ARHGAP22: variants seen among roughly 807,000 people sequenced by gnomAD.
ARHGAP22 encodes the protein Rho GTPase activating protein 22, also known as rho GTPase-activating protein 22.
ARHGAP22 carries 48 observed loss-of-function variants against 59.1 expected under a neutral mutation model. That is an observed-to-expected ratio of 0.81 (90% confidence interval 0.64 to 1.03). The LOEUF (loss-of-function observed/expected upper bound fraction) is 1.03. Among genes scored for constraint, ARHGAP22 ranks in the 50% least tolerant of loss-of-function variants. The pLI is 0.00. For synonymous variants in ARHGAP22, 445 were observed against 416.4 expected (o/e 1.07, Z -0.84); for missense variants, 1,015 against 958.7 (o/e 1.06, Z -0.78).
intron 3 of ARHGAP22, among the ~76,000 whole-genome samples, chr10:48,553,968 C>T (rs866642711): frequency 5.3e-5 from 8 of 152,212 alleles, no homozygotes; most frequent in East Asian, 1.9e-4. Flanking sequence ...GCCCTGCCTA[C>T]GTCACTACTT....
intron 2 of ARHGAP22, chr10:48,574,666 G>A (rs1028617346): frequency 7.2e-5 from 11 of 152,236 alleles, no homozygotes; most frequent in Non-Finnish European, 1.5e-4. Context: ...GTGCTGAGAT[G>A]AGGGCCATGG....
chr10:48,628,070 G>T (rs909462368), intron 1 of ARHGAP22, among the ~76,000 whole-genome samples: 1 of 152,224 alleles, frequency 6.6e-6, no homozygotes, highest in Non-Finnish European at 1.5e-5. Flanking sequence ...CAGACATCTG[G>T]CCTCCTTCTC....
In ARHGAP22 at chr10:48,530,022, A is replaced by C. The variant is rs1277885253; in HGVS notation, c.322+25441T>G. On this transcript the variant is annotated intron_variant, in intron 3 of 9. Coordinates refer to ENST00000249601, the MANE Select transcript of ARHGAP22 (RefSeq NM_021226.4). ...GAGGCCAACGTGGGCAGATCATCTGAGGTCAAGAGTTCGAGACCAGCTTTG... is the reference window on the plus strand; with the variant it reads ...GAGGCCAACGTGGGCAGATCATCTGCGGTCAAGAGTTCGAGACCAGCTTTG... 5.9e-5 allele frequency among the ~76,000 whole-genome samples: 9 copies of C among 152,280 alleles called. No homozygotes were observed. In the East Asian group the frequency reaches 1.7e-3, roughly 29 times the overall value.
chr10:48,435,663 G>A, the ARHGAP22 span: 18 of 152,290 alleles, frequency 1.2e-4, no homozygotes, highest in African/African-American at 3.6e-4. Flanking sequence ...CAAAAGCCCC[G>A]TCATCTAAAT....
At chr10:48,545,562 T>C (rs1444671087) in intron 3 of ARHGAP22, among the ~76,000 whole-genome samples, 1 of 152,200 alleles carries the variant, frequency 6.6e-6, no homozygotes, top group Non-Finnish European at 1.5e-5. Context: ...GGCTGGCTGG[T>C]ACCAGGTGCC....
chr10:48,638,083 G>T (rs2061896100), intron 1 of ARHGAP22, among the ~76,000 whole-genome samples: 1 of 152,086 alleles, frequency 6.6e-6, no homozygotes, highest in African/African-American at 2.4e-5. Flanking sequence ...CCCTCCTAGA[G>T]CCATTCCCTT....
At chr10:48,562,615 CA>C (rs1164851131) in intron 2 of ARHGAP22, among the ~76,000 whole-genome samples, 3 of 152,016 alleles carry the variant, frequency 2.0e-5, no homozygotes, top group Non-Finnish European at 4.4e-5. Context: ...AGCCTGGGGT[CA>C]GGGGTCAGGA....
chr10:48,635,429 C>T (rs920581235), intron 1 of ARHGAP22, among the ~76,000 whole-genome samples: 4 of 152,222 alleles, frequency 2.6e-5, no homozygotes, highest in South Asian at 2.1e-4. Context: ...GTGAAACGTC[C>T]CCTCTTAGGT....
chr10:48,571,216 G>A (rs910734073), intron 2 of ARHGAP22, among the ~76,000 whole-genome samples: 2 of 152,118 alleles, frequency 1.3e-5, no homozygotes, highest in Non-Finnish European at 2.9e-5. Flanking sequence ...ACTGGAGCCC[G>A]CTACCACCCA....
intron 3 of ARHGAP22, among the ~76,000 whole-genome samples, chr10:48,497,316 G>T (rs753687376): frequency 1.1e-4 from 17 of 152,322 alleles, no homozygotes; most frequent in Non-Finnish European, 1.8e-4. Flanking sequence ...CTTGGCATGG[G>T]TGAAGAGTAG....
At chr10:48,441,492 C>T (rs2045202103), downstream of ARHGAP22, among the ~76,000 whole-genome samples, 1 of 149,188 alleles carries the variant, frequency 6.7e-6, no homozygotes, top group East Asian at 2.0e-4. Context: ...CGCTCTGTCA[C>T]CCAGGCTGGA....
chr10:48,505,445 C>T (rs890992532), intron 3 of ARHGAP22, among the ~76,000 whole-genome samples: 1 of 152,210 alleles, frequency 6.6e-6, no homozygotes, highest in Non-Finnish European at 1.5e-5. Flanking sequence ...GAGACCACGT[C>T]CAGCAGCTCC....
chr10:48,511,942 C>T (rs1033781633), intron 3 of ARHGAP22, among the ~76,000 whole-genome samples: 1 of 152,208 alleles, frequency 6.6e-6, no homozygotes, highest in Non-Finnish European at 1.5e-5. Flanking sequence ...CCCCAATTAG[C>T]CCCCAGTCTC....
At chr10:48,457,330 C>T (rs1367661921) in intron 5 of ARHGAP22, among the ~76,000 whole-genome samples, 1 of 152,178 alleles carries the variant, frequency 6.6e-6, no homozygotes, top group African/African-American at 2.4e-5. Flanking sequence ...ACCTGGGTGT[C>T]CGCAGGGCTC....
At chr10:48,525,072 AGT>A (rs1222938421) in intron 3 of ARHGAP22, among the ~76,000 whole-genome samples, 1 of 152,110 alleles carries the variant, frequency 6.6e-6, no homozygotes, top group African/African-American at 2.4e-5. Flanking sequence ...TTTTCATGAG[AGT>A]GTGTTCGGTG....
rs890314115 is a variant in ARHGAP22, at chr10:48,531,422, A to G, written c.322+24041T>C. ...ATGTTCCCCCAAAACCTATTGAAAT[A>G]CATTTTTTTAAAAAAGGAAAATATG... On this transcript the variant is annotated intron_variant, in intron 3 of 9. Coordinates refer to ENST00000249601, the MANE Select transcript of ARHGAP22 (RefSeq NM_021226.4). Among the ~76,000 whole-genome samples, 6 of 152,210 alleles carry G rather than the reference A, an allele frequency of 3.9e-5. No homozygotes were observed. The East Asian group carries it at 7.7e-4, about 20-fold the overall frequency.
chr10:48,633,278 C>T (rs1443062317), intron 1 of ARHGAP22, among the ~76,000 whole-genome samples: 1 of 152,226 alleles, frequency 6.6e-6, no homozygotes, highest in Non-Finnish European at 1.5e-5. Flanking sequence ...TCCTCTGAGA[C>T]TCCCAGGTCT....
chr10:48,489,730 CTTT>C (rs377099863), intron 3 of ARHGAP22, among the ~76,000 whole-genome samples: 2 of 119,590 alleles, frequency 1.7e-5, no homozygotes. Context: ...GAGGCTGCCT[CTTT>C]TTTTTTTTTT....
chr10:48,486,106 C>T (rs2049834526), intron 3 of ARHGAP22, among the ~76,000 whole-genome samples: 1 of 151,888 alleles, frequency 6.6e-6, no homozygotes, highest in Admixed American at 6.6e-5. Flanking sequence ...AAAAATCTCA[C>T]TCTCTTCATG....
Sources: allele counts gnomAD v4.1 joint callset (sites outside exome capture counted in the v4.1 genomes callset), GRCh38; gene constraint gnomAD v4.1.1; transcripts MANE v1.5; gene names NCBI Gene and HGNC (gene_info 2026-07-23, HGNC 2026-07-21).